Variants in SEM1 observed in about 807,000 individuals in gnomAD.
SEM1 encodes the protein SEM1 26S proteasome subunit.
SEM1 carries 3 observed loss-of-function variants against 12.7 expected under a neutral mutation model. That is an observed-to-expected ratio of 0.24 (90% CI 0.11 to 0.61). SEM1 has a LOEUF of 0.61. SEM1 is among the 20% of genes least tolerant of loss of function. SEM1 has a pLI of 0.88. For synonymous variants in SEM1, 30 were observed against 27.8 expected (o/e 1.08, Z -0.25); for missense variants, 59 against 81.3 (o/e 0.73, Z 1.06).
chr7:96,645,771 T>G (rs1404189638), intron 2 of SEM1: 10 of 398,200 alleles, frequency 2.5e-5, no homozygotes, highest in Admixed American at 2.2e-4. Context: ...GATGGATGGA[T>G]GGATTAGAGG....
intron 2 of SEM1, among the ~76,000 whole-genome samples, chr7:96,555,094 CTTT>C (rs1805438183): frequency 1.3e-5 from 2 of 151,012 alleles, no homozygotes; most frequent in African/African-American, 2.4e-5. Flanking sequence ...CTCTTTTCTT[CTTT>C]ATTAGTCTTG....
At chr7:96,505,076 A>G (rs1482289193) in intron 3 of SEM1, among the ~76,000 whole-genome samples, 1 of 151,652 alleles carries the variant, frequency 6.6e-6, no homozygotes, top group Non-Finnish European at 1.5e-5. Flanking sequence ...GGTGGTTTGT[A>G]TTTCTATCAG....
rs1563052822 is a variant in SEM1 at position 96,541,442 on chromosome 7, T to TG, written c.171-34745dup. On this transcript the variant is annotated intron_variant and NMD_transcript_variant, in intron 2 of 3. Transcript: ENST00000466986. ...CCACTTTTTAATGGGTTTTTTTTTT[T>TG]GTTTTTTTTTTTTTTTTGCTGAATT... is the stretch of plus-strand genomic sequence containing the variant. 1.6e-3 allele frequency among the ~76,000 whole-genome samples: 195 copies of TG among 124,718 alleles called. 1 individual carries two copies. Among genetic ancestry groups the TG allele is most frequent in the African/African-American group, 6.1e-3 (178 of 29,270 alleles). 81.8% of individuals were successfully genotyped at this position (124,718 alleles called of 152,430 possible).
At chr7:96,604,568 T>C (rs1198485229) in intron 2 of SEM1, among the ~76,000 whole-genome samples, 1 of 152,138 alleles carries the variant, frequency 6.6e-6, no homozygotes, top group East Asian at 1.9e-4. Context: ...AAGCTGAGTT[T>C]AATACATTGG....
chr7:96,570,646 G>A (rs573527771), intron 2 of SEM1, among the ~76,000 whole-genome samples: 121 of 151,824 alleles, frequency 8.0e-4, no homozygotes, highest in African/African-American at 2.8e-3. Context: ...ACAGTGCCGC[G>A]ATAAACGATA....
At chr7:96,568,016 C>CA (rs1172841333) in intron 2 of SEM1, among the ~76,000 whole-genome samples, 1 of 151,386 alleles carries the variant, frequency 6.6e-6, no homozygotes, top group Non-Finnish European at 1.5e-5. Context: ...TGGGTACATA[C>CA]AAAAAATAAA....
intron 2 of SEM1, among the ~76,000 whole-genome samples, chr7:96,602,021 G>A (rs921378045): frequency 3.3e-5 from 5 of 152,168 alleles, no homozygotes; most frequent in Admixed American, 2.0e-4. Context: ...GAGAGCTGTG[G>A]GTAGAGAAAC....
intron 2 of SEM1, among the ~76,000 whole-genome samples, chr7:96,616,540 C>A (rs1475756114): frequency 6.6e-6 from 1 of 152,016 alleles, no homozygotes; most frequent in Non-Finnish European, 1.5e-5. Context: ...TGTGAAGAAG[C>A]TTTTTAGTTT....
At chr7:96,559,444 G>C (rs1052060233) in intron 2 of SEM1, among the ~76,000 whole-genome samples, 1 of 152,006 alleles carries the variant, frequency 6.6e-6, no homozygotes. Context: ...ACCACACCTG[G>C]CTAATTTTTT....
intron 2 of SEM1, among the ~76,000 whole-genome samples, chr7:96,509,159 T>A (rs1239124664): frequency 2.0e-5 from 3 of 149,738 alleles, no homozygotes; most frequent in African/African-American, 4.9e-5. Flanking sequence ...GCTAATTTTT[T>A]TTTTTTTTTT....
intron 2 of SEM1, among the ~76,000 whole-genome samples, chr7:96,665,997 G>A (rs545046483): frequency 1.1e-4 from 16 of 152,288 alleles, no homozygotes; most frequent in Admixed American, 7.2e-4. Context: ...AAGTTCATAT[G>A]ACTTCAAGTC....
intron 2 of SEM1, among the ~76,000 whole-genome samples, chr7:96,592,698 G>GT (rs1434206282): frequency 1.3e-5 from 2 of 151,692 alleles, no homozygotes; most frequent in Non-Finnish European, 2.9e-5. Flanking sequence ...AAGGTGGCAG[G>GT]TTTTTAAGTA....
intron 2 of SEM1, among the ~76,000 whole-genome samples, chr7:96,561,465 G>T (rs1322862690): frequency 2.0e-5 from 3 of 152,268 alleles, no homozygotes; most frequent in Non-Finnish European, 2.9e-5. Context: ...CTGATGCCCT[G>T]GTCCCCTCAC....
intron 2 of SEM1, among the ~76,000 whole-genome samples, chr7:96,629,393 C>T (rs1362410693): frequency 6.6e-6 from 1 of 151,866 alleles, no homozygotes; most frequent in African/African-American, 2.4e-5. Flanking sequence ...TTCAAGCTCA[C>T]TAATTCCTCT....
At chr7:96,520,239 G>GA (rs1231463049) in intron 2 of SEM1, among the ~76,000 whole-genome samples, 1 of 152,132 alleles carries the variant, frequency 6.6e-6, no homozygotes, top group Admixed American at 6.6e-5. Flanking sequence ...AAACTGTGTA[G>GA]AATGACAAAA....
intron 2 of SEM1, among the ~76,000 whole-genome samples, chr7:96,511,879 G>T (rs1254673133): frequency 6.6e-6 from 1 of 151,992 alleles, no homozygotes; most frequent in Non-Finnish European, 1.5e-5. Context: ...TTCCTTTAAA[G>T]CAGGGCTTCT....
intron 2 of SEM1, among the ~76,000 whole-genome samples, chr7:96,606,702 AT>A (rs1807390947): frequency 6.6e-6 from 1 of 152,240 alleles, no homozygotes. Flanking sequence ...ACTCTTGGGC[AT>A]AAAGTAGGCT....
intron 2 of SEM1, among the ~76,000 whole-genome samples, chr7:96,662,389 A>G (rs1789032821): frequency 6.6e-6 from 1 of 152,176 alleles, no homozygotes. Context: ...TGAAGCTGGA[A>G]GCCATCATTC....
chr7:96,513,843 T>G (rs576575721), intron 2 of SEM1, among the ~76,000 whole-genome samples: 1 of 152,020 alleles, frequency 6.6e-6, no homozygotes, highest in Non-Finnish European at 1.5e-5. Context: ...ATAAAAAAAT[T>G]CGTTATAAAA....
Sources: gnomAD v4.1 joint callset for allele counts (sites outside exome capture counted in the v4.1 genomes callset) on GRCh38, gnomAD v4.1.1 for gene constraint, MANE v1.5 for transcripts, NCBI Gene and HGNC (gene_info 2026-07-23, HGNC 2026-07-21) for gene names.